The following MAPT variants were observed in gnomAD, a reference collection of about 807,000 sequenced individuals.
The protein encoded by MAPT is microtubule-associated protein tau.
Under a neutral mutation model 67.9 loss-of-function variants are expected in MAPT, and 34 were observed. The ratio of observed to expected loss-of-function variants is 0.50; its 90% confidence interval spans 0.38 to 0.67. MAPT has a LOEUF of 0.67. Among genes scored for constraint, MAPT ranks in the 30% least tolerant of loss-of-function variants. MAPT has a pLI of 0.00. For missense variants in MAPT, 881 were observed against 1,115.2 expected (o/e 0.79, Z 2.99); for synonymous variants, 456 against 464.5 (o/e 0.98, Z 0.23).
intron 5 of MAPT, among the ~76,000 whole-genome samples, chr17:45,985,203 G>A (rs1180546019): frequency 6.6e-6 from 1 of 152,130 alleles, no homozygotes; most frequent in Non-Finnish European, 1.5e-5. Flanking sequence ...TACTGGGGAG[G>A]CTGAAGCAGG....
chr17:45,960,270 C>G (rs984222294), intron 1 of MAPT, among the ~76,000 whole-genome samples: 8 of 152,262 alleles, frequency 5.3e-5, no homozygotes, highest in Non-Finnish European at 1.2e-4. Context: ...ATTTTTGCCT[C>G]TTCATCAGAG....
chr17:45,951,683 T>C (rs1243605298), intron 1 of MAPT, among the ~76,000 whole-genome samples: 6 of 151,912 alleles, frequency 3.9e-5, no homozygotes, highest in Non-Finnish European at 8.8e-5. Flanking sequence ...AGCTAGCCCC[T>C]TCCCCCACCC....
At chr17:46,005,329 C>A (rs377461077) in intron 9 of MAPT, among the ~76,000 whole-genome samples, 1 of 152,176 alleles carries the variant, frequency 6.6e-6, no homozygotes, top group African/African-American at 2.4e-5. Context: ...TGTTGATGCC[C>A]TTCCCTTCTT....
At chr17:45,972,301 G>A (rs530086675) in intron 3 of MAPT, among the ~76,000 whole-genome samples, 66 of 152,300 alleles carry the variant, frequency 4.3e-4, no homozygotes, top group African/African-American at 1.5e-3. Flanking sequence ...TTTGGCTGAG[G>A]GAAGGGGCAG....
intron 1 of MAPT, among the ~76,000 whole-genome samples, chr17:45,956,710 T>A (rs973617080): frequency 4.0e-5 from 6 of 151,718 alleles, no homozygotes; most frequent in African/African-American, 1.5e-4. Flanking sequence ...ATTCATCATT[T>A]ACATTAGGTA....
intron 1 of MAPT, among the ~76,000 whole-genome samples, chr17:45,899,212 A>G (rs192310239): frequency 6.6e-6 from 1 of 152,064 alleles, no homozygotes; most frequent in Admixed American, 6.6e-5. Context: ...TGTTTTCACA[A>G]CTCGGGGAGG....
chr17:45,920,807 C>T (rs1389688978), intron 1 of MAPT, among the ~76,000 whole-genome samples: 6 of 152,126 alleles, frequency 3.9e-5, no homozygotes, highest in Non-Finnish European at 2.9e-5. Context: ...AACTGCTGGG[C>T]CCAGGAAGGA....
At chr17:45,919,359 G>A (rs565054349) in intron 1 of MAPT, among the ~76,000 whole-genome samples, 43 of 151,442 alleles carry the variant, frequency 2.8e-4, no homozygotes, top group African/African-American at 9.7e-4. Flanking sequence ...CGCCCCCCCC[G>A]CCTGCCCTCC....
At position 45,978,379 on chromosome 17, in the gene MAPT, A is replaced by G; in HGVS notation, c.225A>G (p.Glu75=). The G allele has an allele frequency of 1.2e-6, 2 of 1,613,592 alleles. No homozygotes were observed. The highest frequency in any genetic ancestry group is 2.2e-5 in the East Asian group (1 of 44,860). Residue 75 remains glutamate (E), a synonymous_variant, in exon 4 of 13, where the codon GAA becomes GAG. Coordinates refer to ENST00000262410, the MANE Select transcript of MAPT (RefSeq NM_001377265.1). ...ATTTGCTGACACATACACCAGCTGA[A>G]GAAGCAGGCATTGGAGACACCCCCA... is the stretch of plus-strand genomic sequence containing the variant. ...DAKSTPTAEA[E]EAGIGDTPSL...
chr17:45,978,169 G>C (rs2145571176), intron 3 of MAPT: 1 of 621,084 alleles, frequency 1.6e-6, no homozygotes, highest in Non-Finnish European at 2.9e-6. Flanking sequence ...TGTGGGTGCT[G>C]TGCCTTTTGT....
chr17:45,946,568 C>A (rs2068498935), intron 1 of MAPT, among the ~76,000 whole-genome samples: 1 of 140,194 alleles, frequency 7.1e-6, no homozygotes, highest in Non-Finnish European at 1.5e-5. Flanking sequence ...CACCACACTC[C>A]AGCCTGGGCG....
rs370558032 is a variant in MAPT at position 45,983,356 on chromosome 17, C to T, written c.777C>T (p.Ala259=). 4.4e-5 allele frequency: 71 copies of T among 1,607,844 alleles called. No individual in the cohort carries two copies. In the African/African-American group the frequency reaches 7.7e-4, roughly 18 times the overall value. ...AGGACACAGAGGGCGGCCGCCACGC[C>T]CCTGAGCTGCTCAAGCACCAGCTTC... ...GPEDTEGGRH[A]PELLKHQLLG... The change falls in exon 5 of 13, where the codon GCC becomes GCT. Residue 259 remains alanine, a synonymous_variant. Transcript: ENST00000262410.
intron 1 of MAPT, among the ~76,000 whole-genome samples, chr17:45,961,039 C>T (rs1407123536): frequency 6.6e-6 from 1 of 152,084 alleles, no homozygotes; most frequent in African/African-American, 2.4e-5. Context: ...GCTCATTAAA[C>T]TTCTTAGTGT....
intron 2 of MAPT, among the ~76,000 whole-genome samples, chr17:45,963,394 G>T (rs548754799): frequency 6.6e-6 from 1 of 152,254 alleles, no homozygotes; most frequent in South Asian, 2.1e-4. Flanking sequence ...GGAGTGCCAG[G>T]TTGGTCCAAG....
chr17:45,919,251 C>T (rs1041173263), intron 1 of MAPT, among the ~76,000 whole-genome samples: 11 of 152,260 alleles, frequency 7.2e-5, no homozygotes, highest in African/African-American at 2.4e-4. Flanking sequence ...CTGCCTCCAC[C>T]GGGCCCCTGG....
At chr17:45,918,714 C>T (rs1008333975) in intron 1 of MAPT, among the ~76,000 whole-genome samples, 2 of 152,172 alleles carry the variant, frequency 1.3e-5, no homozygotes, top group Non-Finnish European at 2.9e-5. Flanking sequence ...TCTCACATTA[C>T]TATAAAGACC....
At chr17:45,914,182 G>A (rs1303728999) in intron 1 of MAPT, among the ~76,000 whole-genome samples, 2 of 110,224 alleles carry the variant, frequency 1.8e-5, no homozygotes, top group Non-Finnish European at 4.9e-5. Flanking sequence ...AAACCACAGC[G>A]AGACACTGCT....
At chr17:45,985,695 TTTG>T (rs2073468428) in intron 5 of MAPT, 1 of 985,308 alleles carries the variant, frequency 1.0e-6, no homozygotes, top group African/African-American at 1.7e-5. Flanking sequence ...AGCAGATTCT[TTTG>T]TTGTGCCGTG....
chr17:45,995,420 C>T lies in MAPT; in HGVS notation c.1733-979C>T, dbSNP rs1462145451. ...GGATCGAGAAATTTGCATTTTGCAA[C>T]TCCCACTTTCCTCCTTGAAAGCTCC... On this transcript the variant is annotated intron_variant, in intron 8 of 12. Transcript: ENST00000262410. The surrounding 1 kb of genome is among the most constrained non-coding windows in gnomAD (Gnocchi z 4.3). Among the ~76,000 whole-genome samples the T allele has an allele frequency of 6.6e-6, 1 of 152,242 alleles. No homozygotes were observed. Among genetic ancestry groups the T allele is most frequent in the Non-Finnish European group, 1.5e-5 (1 of 68,050 alleles).
Sources: allele counts gnomAD v4.1 joint callset (sites outside exome capture counted in the v4.1 genomes callset), GRCh38; gene constraint gnomAD v4.1.1; non-coding constraint Gnocchi (gnomAD v3.1); transcripts MANE v1.5; gene names NCBI Gene and HGNC (gene_info 2026-07-23, HGNC 2026-07-21).